VIM: variants seen among roughly 807,000 people sequenced by gnomAD.
VIM encodes the protein vimentin.
In VIM, 18 loss-of-function variants were observed where a neutral mutation model predicts 50.3. The observed-to-expected ratio is 0.36, with a 90% CI of 0.25 to 0.53. The LOEUF (loss-of-function observed/expected upper bound fraction) is 0.53, where lower values mean the gene tolerates loss of function less well. VIM is among the 20% of genes least tolerant of loss of function. The probability of loss-of-function intolerance (pLI) is 0.91; values close to 1 mark genes in which losing one functional copy is unlikely to be tolerated. For missense variants in VIM, 551 were observed against 614.7 expected (o/e 0.90, Z 1.10); for synonymous variants, 245 against 248.5 (o/e 0.99, Z 0.13).
intron 5 of VIM, among the ~76,000 whole-genome samples, chr10:17,234,407 G>A (rs1588735194): frequency 2.0e-5 from 3 of 151,980 alleles, no homozygotes; most frequent in South Asian, 2.1e-4. Context: ...GCGCCACCAC[G>A]CCTGGCCACA....
In VIM at chr10:17,230,429, T is replaced by G. The variant is rs551321562; in HGVS notation, c.564-221T>G. 112 of 640,850 alleles carry G rather than the reference T, an allele frequency of 1.7e-4. 2 individuals carry two copies. Among genetic ancestry groups the G allele is most frequent in the Middle Eastern group, 1.3e-3 (3 of 2,332 alleles). The allele number at this position is 640,850 out of a possible 1,614,324, so 39.7% of individuals were successfully genotyped here. A position where few individuals can be genotyped will look rare whatever the true frequency, so the allele number is the denominator to read the frequency against. Reference sequence around the variant, plus strand: ...CTCGGGGGCGGGGATGGCGGGGCTGTCCTGTAGGTCTGTGCGGCCACCGTG... The same window carrying G: ...CTCGGGGGCGGGGATGGCGGGGCTGGCCTGTAGGTCTGTGCGGCCACCGTG... On this transcript the variant is annotated intron_variant, in intron 2 of 9. Transcript: ENST00000544301.
chr10:17,230,695 G>A lies in VIM; in HGVS notation c.609G>A (p.Leu203=), dbSNP rs148956484. ...MLQREEAENT[L]QSFRQDVDNA... ...AGAGAGAGGAAGCCGAAAACACCCT[G>A]CAATCTTTCAGACAGGTTTGTAGAC... Residue 203 remains leucine, a synonymous_variant, in exon 3 of 10, where the codon CTG becomes CTA. Coordinates refer to ENST00000544301, the MANE Select transcript of VIM (RefSeq NM_003380.5). The A allele has an allele frequency of 1.3e-5, 21 of 1,614,032 alleles. No homozygotes were observed. Among genetic ancestry groups the A allele is most frequent in the African/African-American group, 2.7e-5 (2 of 74,912 alleles).
Position 17,229,326 on chromosome 10 carries a change from T to C in VIM, c.-97T>C. 7.7e-7 allele frequency: 1 copy of C among 1,307,086 alleles called. No individual in the cohort carries two copies. The highest frequency in any genetic ancestry group is 1.1e-6 in the Non-Finnish European group (1 of 945,856). 81.0% of individuals were successfully genotyped at this position (1,307,086 alleles called of 1,614,324 possible). A position where few individuals can be genotyped will look rare whatever the true frequency, so the allele number is the denominator to read the frequency against. ...CCCCGCGCCAGAGACGCAGCCGCGCTCCCACCACCCACACCCACCGCGCCC... is the reference window on the plus strand; with the variant it reads ...CCCCGCGCCAGAGACGCAGCCGCGCCCCCACCACCCACACCCACCGCGCCC... On this transcript the variant is annotated 5_prime_UTR_variant, in exon 2 of 10. Transcript: ENST00000544301.
chr10:17,236,390 T>G lies in VIM; in HGVS notation c.1359+11T>G. On this transcript the variant is annotated intron_variant, in intron 9 of 9. Coordinates refer to ENST00000544301, the MANE Select transcript of VIM (RefSeq NM_003380.5). ...ACTAGAGATGGACAGGTTGGTATCT[T>G]TTAAGGAAAAAATAGGGTAATCTCA... 6.3e-7 allele frequency: 1 copy of G among 1,597,954 alleles called. No homozygotes were observed. Among genetic ancestry groups the G allele is most frequent in the Non-Finnish European group, 8.6e-7 (1 of 1,165,426 alleles).
Position 17,235,298 on chromosome 10 carries a change from C to A in VIM, c.1138C>A (p.Leu380Ile), listed in dbSNP as rs1358822322. ...QNMKEEMARHLREYQDLLNVK... is the reference protein window; with the variant it reads ...QNMKEEMARHIREYQDLLNVK... ...TATGAAGGAGGAAATGGCTCGTCAC[C>A]TTCGTGAATACCAAGACCTGCTCAA... is the stretch of plus-strand genomic sequence containing the variant. Residue 380 changes from leucine to isoleucine, a missense_variant, in exon 7 of 10, where the codon CTT (leucine) becomes ATT (isoleucine). This residue lies in a region of VIM where 394 missense variants were observed against 437.5 expected (regional missense o/e 0.90). Coordinates refer to ENST00000544301, the MANE Select transcript of VIM (RefSeq NM_003380.5). The A allele has an allele frequency of 6.2e-7, 1 of 1,614,194 alleles. No homozygotes were observed. Among genetic ancestry groups the A allele is most frequent in the Non-Finnish European group, 8.5e-7 (1 of 1,180,036 alleles).
chr10:17,230,492 C>A, intron 2 of VIM, 158 bp from the exon 3 acceptor site: 1 of 878,400 alleles, frequency 1.1e-6, no homozygotes, highest in South Asian at 1.3e-5. Flanking sequence ...CCCGCTGAAA[C>A]CTGCCGAGGG....
At chr10:17,231,031 TC>T (rs1293834541) in intron 3 of VIM, 1 of 270,500 alleles carries the variant, frequency 3.7e-6, no homozygotes, top group Non-Finnish European at 7.2e-6. Flanking sequence ...TCTAAGCAGT[TC>T]CTTGGGACAT....
chr10:17,230,037 G>A (rs1846757520), intron 2 of VIM, 52 bp downstream of exon 2: 3 of 1,548,466 alleles, frequency 1.9e-6, no homozygotes, highest in Non-Finnish European at 1.7e-6. Context: ...GCTGGAGGGA[G>A]AGGGGAACGC....
chr10:17,235,100 G>C, intron 6 of VIM, 69 bp from the exon 7 acceptor site: 1 of 1,566,210 alleles, frequency 6.4e-7, no homozygotes, highest in Non-Finnish European at 8.8e-7. Flanking sequence ...CAGAAGGTCT[G>C]TAAATGGTTC....
At position 17,237,240 on chromosome 10, in the gene VIM, A is replaced by G. The variant is rs754678758; in HGVS notation, c.1370A>G (p.Glu457Gly). The G allele has an allele frequency of 1.9e-6, 3 of 1,605,822 alleles. No individual in the cohort carries two copies. The highest frequency in any genetic ancestry group is 2.6e-6 in the Non-Finnish European group (3 of 1,174,982). ...TTTTTTTTTAAACAGGTTATCAACGAAACTTCTCAGCATCACGATGACCTT... is the reference window on the plus strand; with the variant it reads ...TTTTTTTTTAAACAGGTTATCAACGGAACTTCTCAGCATCACGATGACCTT... ...VETRDGQVINETSQHHDDLE is the reference protein window; with the variant it reads ...VETRDGQVINGTSQHHDDLE The change falls in exon 10 of 10, where the codon GAA (glutamate) becomes GGA (glycine). Residue 457 changes from glutamate to glycine, a missense_variant. Transcript: ENST00000544301.
In VIM at chr10:17,233,928, C is replaced by G. The variant is rs11254467; in HGVS notation, c.879C>G (p.Ser293=). The change falls in exon 5 of 10, where the codon TCC becomes TCG. Residue 293 remains serine, a synonymous_variant. Transcript: ENST00000544301. ...NLQEAEEWYK[S]KFADLSEAAN... ...AGGAGGCAGAAGAATGGTACAAATC[C>G]AAGGTAGGAAACAAATCAGTGCGGC... 3,349 of 1,613,008 alleles carry G rather than the reference C, an allele frequency of 2.1e-3. 65 individuals are homozygous for G. The African/African-American group carries it at 0.038, about 18-fold the overall frequency.
chr10:17,233,797 C>G lies in VIM; in HGVS notation c.748C>G (p.Gln250Glu), dbSNP rs1290316532. Residue 250 changes from glutamine (Q) to glutamate (E), a missense_variant, in exon 5 of 10, where the codon CAG becomes GAG. By Grantham distance (29) the Gln-to-Glu change is conservative (BLOSUM62 2). Transcript: ENST00000544301. ...AATCCAGGAGCTGCAGGCTCAGATT[C>G]AGGAACAGCATGTCCAAATCGATGT... is the stretch of plus-strand genomic sequence containing the variant. Reference protein sequence around the residue: ...EEIQELQAQIQEQHVQIDVDV... With the variant: ...EEIQELQAQIEEQHVQIDVDV... 1.2e-6 allele frequency: 2 copies of G among 1,614,190 alleles called. No individual in the cohort carries two copies. Among genetic ancestry groups the G allele is most frequent in the South Asian group, 1.1e-5 (1 of 91,080 alleles).
intron 7 of VIM, 148 bp downstream of exon 7, chr10:17,235,537 TGA>T: frequency 1.1e-6 from 1 of 901,592 alleles, no homozygotes; most frequent in Non-Finnish European, 1.7e-6. Flanking sequence ...GAATTTGAAT[TGA>T]GAGAGAGTAA....
At chr10:17,233,464 A>C in intron 3 of VIM, 123 bp from the exon 4 acceptor site, 1 of 907,942 alleles carries the variant, frequency 1.1e-6, no homozygotes, top group Non-Finnish European at 1.8e-6. Flanking sequence ...GGGTCATAAA[A>C]TGTGTCAACG....
chr10:17,234,608 T>G (rs1004244784), intron 5 of VIM, 85 bp from the exon 6 acceptor site: 2 of 1,586,862 alleles, frequency 1.3e-6, no homozygotes, highest in Non-Finnish European at 1.7e-6. Flanking sequence ...TGGAAGACAT[T>G]CAGTGAGAAA....
At chr10:17,231,375 T>C (rs1846794639) in intron 3 of VIM, among the ~76,000 whole-genome samples, 1 of 152,196 alleles carries the variant, frequency 6.6e-6, no homozygotes, top group African/African-American at 2.4e-5. Context: ...GAGCCATCTG[T>C]CCCCTTGGCT....
At chr10:17,235,958 T>G (rs546957888) in intron 8 of VIM, 69 bp downstream of exon 8, 1 of 1,503,166 alleles carries the variant, frequency 6.7e-7, no homozygotes, top group East Asian at 2.3e-5. Context: ...GTCAAAGCAT[T>G]CATTTTTTTT....
At chr10:17,231,655 T>C (rs532736110) in intron 3 of VIM, among the ~76,000 whole-genome samples, 18 of 152,318 alleles carry the variant, frequency 1.2e-4, no homozygotes, top group Middle Eastern at 3.4e-3. Flanking sequence ...ACCTCACATT[T>C]TAAAAGTCCT....
chr10:17,230,724 C>A lies in VIM; in HGVS notation c.624+14C>A, dbSNP rs998037864. 3.7e-6 allele frequency: 6 copies of A among 1,614,036 alleles called. No individual in the cohort carries two copies. Among genetic ancestry groups the A allele is most frequent in the Non-Finnish European group, 5.1e-6 (6 of 1,180,016 alleles). On this transcript the variant is annotated intron_variant, in intron 3 of 9. Coordinates refer to ENST00000544301, the MANE Select transcript of VIM (RefSeq NM_003380.5). ...TCTTTCAGACAGGTTTGTAGACTCT[C>A]TTCCCACTCGCAGCCGCCTGACCCC... is the stretch of plus-strand genomic sequence containing the variant.
Sources: gnomAD v4.1 joint callset for allele counts (sites outside exome capture counted in the v4.1 genomes callset) on GRCh38, gnomAD v4.1.1 for gene constraint, gnomAD v4.1.1 regional missense constraint, MANE v1.5 for transcripts, NCBI Gene and HGNC (gene_info 2026-07-23, HGNC 2026-07-21) for gene names.